The following FHL1 variants were observed in gnomAD, a reference collection of about 807,000 sequenced individuals.
FHL1 encodes four and a half LIM domains 1, also known as four and a half LIM domains protein 1.
In FHL1, 1 loss-of-function variant was observed where a neutral mutation model predicts 20.3. The observed-to-expected ratio is 0.05, with a 90% CI of 0.02 to 0.23. FHL1 has a LOEUF of 0.23. Among genes scored for constraint, FHL1 ranks in the 10% least tolerant of loss-of-function variants. The pLI is 1.00. For missense variants in FHL1, 177 were observed against 234.0 expected, an observed-to-expected ratio of 0.76 and a Z score of 1.59; for synonymous variants, 82 against 88.9, an observed-to-expected ratio of 0.92 and a Z score of 0.44.
upstream of FHL1, among the ~76,000 whole-genome samples, chrX:136,165,002 A>T (rs2072673241): frequency 8.9e-6 from 1 of 111,952 alleles, no homozygotes; most frequent in Admixed American, 9.5e-5. Flanking sequence ...CTCTCTTTGC[A>T]AATTGTGAGG....
At position 136,201,642 on chromosome X, in the gene FHL1, A is replaced by C. The variant is rs767616612; in HGVS notation, c.22+4508A>C. On this transcript the variant is annotated intron_variant, in intron 1 of 5. Transcript: ENST00000370683. Reference sequence around the variant, plus strand: ...ACCAATTATTATTTTAGCGAGAGATAGTTTAACAACCATCTGACCTTCACC... The same window carrying C: ...ACCAATTATTATTTTAGCGAGAGATCGTTTAACAACCATCTGACCTTCACC... Among the ~76,000 whole-genome samples the C allele has an allele frequency of 2.7e-5, 3 of 110,953 alleles. No individual in the cohort carries two copies. The East Asian group carries it at 8.6e-4, about 32-fold the overall frequency.
chrX:136,183,033 G>C (rs956363952), intron 2 of FHL1, among the ~76,000 whole-genome samples: 2 of 107,442 alleles, frequency 1.9e-5, no homozygotes, highest in Non-Finnish European at 3.8e-5. Context: ...GGAGGCAGAG[G>C]TTGCAGTGAG....
intron 2 of FHL1, among the ~76,000 whole-genome samples, chrX:136,175,123 G>A (rs986867527): frequency 8.9e-6 from 1 of 112,152 alleles, no homozygotes; most frequent in Non-Finnish European, 1.9e-5. Context: ...GGCCTAGCAC[G>A]TGGTAGGTGC....
At chrX:136,191,084 A>G (rs948197639) in intron 2 of FHL1, among the ~76,000 whole-genome samples, 10 of 111,702 alleles carry the variant, frequency 9.0e-5, no homozygotes, top group African/African-American at 3.3e-4. Flanking sequence ...GAGGGTGGTA[A>G]TCTAATGGCA....
At chrX:136,175,583 A>G (rs2072981247) in intron 2 of FHL1, among the ~76,000 whole-genome samples, 1 of 112,845 alleles carries the variant, frequency 8.9e-6, no homozygotes, top group Non-Finnish European at 1.9e-5. Flanking sequence ...TGTGAAAAAA[A>G]TAGTTCATTT....
At position 136,211,129 on chromosome X, in the gene FHL1, C is replaced by T. The variant is rs1456879863; in HGVS notation, c.*1104C>T. 2.7e-6 allele frequency: 1 copy of T among 373,832 alleles called. No homozygotes were observed. Among genetic ancestry groups the T allele is most frequent in the Non-Finnish European group, 5.1e-6 (1 of 197,048 alleles). 30.8% of individuals were successfully genotyped at this position (373,832 alleles called of 1,213,427 possible). ...CTCAAGAGGAAATCTGGATTTCCAC[C>T]TACCGCTTACCTGAAATGCAGGATC... On this transcript the variant is annotated 3_prime_UTR_variant, in exon 6 of 6. Transcript: ENST00000370683.
chrX:136,172,368 C>T (rs761590842), intron 2 of FHL1, among the ~76,000 whole-genome samples: 2 of 112,540 alleles, frequency 1.8e-5, no homozygotes, highest in East Asian at 5.5e-4. Flanking sequence ...TGATATTCTT[C>T]AAGGGTGGGA....
upstream of FHL1, chrX:136,196,858 C>CT (rs1300291330): frequency 8.6e-7 from 1 of 1,165,458 alleles, no homozygotes; most frequent in Non-Finnish European, 1.1e-6. Flanking sequence ...CTGAGTAGCC[C>CT]CGCAGGTATT....
upstream of FHL1, among the ~76,000 whole-genome samples, chrX:136,193,957 C>A (rs933340795): frequency 9.1e-6 from 1 of 109,629 alleles, no homozygotes; most frequent in African/African-American, 3.3e-5. Flanking sequence ...CACCCCAACC[C>A]CCCCCAGCTG....
At chrX:136,208,678 G>C in intron 5 of FHL1, 37 bp downstream of exon 5, 2 of 1,156,355 alleles carry the variant, frequency 1.7e-6, no homozygotes, top group Non-Finnish European at 2.4e-6. Flanking sequence ...TGCCAGGCTA[G>C]GTTTTGCGCA....
At chrX:136,199,335 TG>T (rs2073642917) in intron 1 of FHL1, among the ~76,000 whole-genome samples, 1 of 112,174 alleles carries the variant, frequency 8.9e-6, no homozygotes, top group East Asian at 2.8e-4. Flanking sequence ...AAAAAAGATT[TG>T]TTTTTTTTCT....
upstream of FHL1, among the ~76,000 whole-genome samples, chrX:136,169,095 A>G (rs1047765944): frequency 9.0e-6 from 1 of 111,701 alleles, no homozygotes; most frequent in African/African-American, 3.3e-5. Context: ...TGTGAATTCT[A>G]GGATTTCACA....
intron 2 of FHL1, among the ~76,000 whole-genome samples, chrX:136,179,388 C>G (rs929580232): frequency 6.3e-5 from 7 of 111,927 alleles, no homozygotes; most frequent in Admixed American, 5.7e-4. Flanking sequence ...TTTGAACTGT[C>G]AGTTCTCATA....
intron 2 of FHL1, among the ~76,000 whole-genome samples, chrX:136,179,732 A>G (rs1233058092): frequency 8.9e-6 from 1 of 112,021 alleles, no homozygotes; most frequent in Non-Finnish European, 1.9e-5. Flanking sequence ...CTGTTCCTCT[A>G]ATATCCATAT....
chrX:136,147,469 G>GGCGCGCACCCCTCCCCTCGCGCCCCTC (rs1569528097), upstream of FHL1: 6 of 77,073 alleles, frequency 7.8e-5, no homozygotes, highest in African/African-American at 2.7e-4. Context: ...CCGCCTCCCA[G>GGCGCGCACCCCTCCCCTCGCGCCCCTC]GCGCGCACCC....
At chrX:136,206,865 C>T (rs954854446) in intron 2 of FHL1, 151 bp from the exon 3 acceptor site, 5 of 638,034 alleles carry the variant, frequency 7.8e-6, no homozygotes, top group African/African-American at 6.6e-5. Context: ...CAGCGTCCCT[C>T]CTATAAGAAT....
chrX:136,198,148 GTT>G (rs10708015), intron 1 of FHL1, among the ~76,000 whole-genome samples: 2,065 of 101,414 alleles, frequency 0.02, 43 homozygotes, highest in African/African-American at 0.067. Flanking sequence ...AAGTTGTCTG[GTT>G]TTTTTTTTTT....
chrX:136,146,756 G>A (rs1394420133), upstream of FHL1: 1 of 329,687 alleles, frequency 3.0e-6, no homozygotes, highest in Non-Finnish European at 5.9e-6. Flanking sequence ...CACATGGCGA[G>A]GGCTCAGTAA....
chrX:136,156,986 T>TAC (rs74780878), intron 1 of FHL1, among the ~76,000 whole-genome samples: 1,335 of 102,090 alleles, frequency 0.013, 8 homozygotes, highest in African/African-American at 0.027. Flanking sequence ...GACTAAGGAA[T>TAC]ACACACACAC....
Sources: allele counts gnomAD v4.1 joint callset (sites outside exome capture counted in the v4.1 genomes callset), GRCh38; gene constraint gnomAD v4.1.1; transcripts MANE v1.5; gene names NCBI Gene and HGNC (gene_info 2026-07-23, HGNC 2026-07-21).